Variants in NFYC observed in about 807,000 individuals in gnomAD.
NFYC encodes the protein nuclear transcription factor Y subunit gamma, also known as CAAT box DNA-binding protein subunit C.
NFYC carries 25 observed loss-of-function variants against 53.1 expected under a neutral mutation model. That is an observed-to-expected ratio of 0.47 (90% CI 0.34 to 0.66). NFYC has a LOEUF of 0.66. Among genes scored for constraint, NFYC ranks in the 30% least tolerant of loss-of-function variants. NFYC has a pLI of 0.01. For synonymous variants in NFYC, 145 were observed against 152.6 expected (o/e 0.95, Z 0.37); for missense variants, 260 against 422.7 (o/e 0.62, Z 3.38).
rs370959346 is a variant in NFYC at position 40,743,821 on chromosome 1, T to G, written c.106-3713T>G. ...ATCTTCTTAAAATATTGATGCTGAT[T>G]TAGTAGGTTAGGAACGGAACCTGGG... On this transcript the variant is annotated intron_variant, in intron 2 of 9. Coordinates refer to ENST00000447388, the MANE Select transcript of NFYC (RefSeq NM_014223.5). 7.9e-5 allele frequency among the ~76,000 whole-genome samples: 12 copies of G among 152,310 alleles called. 1 individual carries two copies. Among genetic ancestry groups the G allele is most frequent in the South Asian group, 2.1e-4 (1 of 4,830 alleles).
chr1:40,753,364 T>C, intron 5 of NFYC, 118 bp downstream of exon 5: 2 of 650,094 alleles, frequency 3.1e-6, no homozygotes, highest in Non-Finnish European at 5.4e-6. Context: ...TTCTCGTTTC[T>C]AGACCAGATT....
rs760633850 is a variant in NFYC, at chr1:40,739,000, C to T, written c.105+52C>T. On this transcript the variant is annotated intron_variant, in intron 2 of 9. Transcript: ENST00000447388. ...AGAAACTTTTAAAGAGTATAAAGAG[C>T]TCTGGGAAATTAACCAAAACTCAGA... The T allele has an allele frequency of 6.0e-6, 8 of 1,334,088 alleles. No homozygotes were observed. The African/African-American group carries it at 1.0e-4, about 17-fold the overall frequency. The allele number at this position is 1,334,088 out of a possible 1,614,324, so 82.6% of individuals were successfully genotyped here. A position where few individuals can be genotyped will look rare whatever the true frequency, so the allele number is the denominator to read the frequency against.
At chr1:40,769,832 T>G (rs1646999322) in intron 9 of NFYC, among the ~76,000 whole-genome samples, 2 of 152,216 alleles carry the variant, frequency 1.3e-5, no homozygotes, top group Admixed American at 1.3e-4. Context: ...ACGTGACCTC[T>G]TGAGCTCTCT....
intron 1 of NFYC, chr1:40,734,773 A>G (rs1448953665): frequency 2.6e-5 from 4 of 152,248 alleles, no homozygotes; most frequent in African/African-American, 9.6e-5. Context: ...CCAGGAATTT[A>G]CATTAACAAT....
intron 1 of NFYC, among the ~76,000 whole-genome samples, chr1:40,726,131 T>G (rs1202980713): frequency 3.9e-5 from 5 of 127,464 alleles, no homozygotes; most frequent in East Asian, 5.1e-4. Flanking sequence ...GTGTGTTTTT[T>G]TTTGAGATGG....
At position 40,766,791 on chromosome 1, in the gene NFYC, T is replaced by G. The variant is rs1185352959; in HGVS notation, c.828+88T>G. ...AAGGAGCGCTCAGCACACAGCTGTC[T>G]TGCCACCTCATCCTTCAACCAGAAG... On this transcript the variant is annotated intron_variant, in intron 8 of 9. Coordinates refer to ENST00000447388, the MANE Select transcript of NFYC (RefSeq NM_014223.5). 6.0e-6 allele frequency: 9 copies of G among 1,495,136 alleles called. No individual in the cohort carries two copies. The South Asian group carries it at 1.0e-4, about 17-fold the overall frequency. 92.6% of individuals were successfully genotyped at this position (1,495,136 alleles called of 1,614,324 possible).
intron 1 of NFYC, among the ~76,000 whole-genome samples, chr1:40,701,820 C>T (rs1271303287): frequency 6.6e-6 from 1 of 152,114 alleles, no homozygotes; most frequent in African/African-American, 2.4e-5. Context: ...TTCCTAAGCC[C>T]TAAAACCTTG....
chr1:40,759,780 G>A lies in NFYC; in HGVS notation c.561+1486G>A, dbSNP rs139369348. 2.5e-3 allele frequency among the ~76,000 whole-genome samples: 376 copies of A among 152,170 alleles called. 1 individual carries two copies. The highest frequency in any genetic ancestry group is 8.4e-3 in the African/African-American group (349 of 41,526). On this transcript the variant is annotated intron_variant, in intron 6 of 9. Transcript: ENST00000447388. Reference sequence around the variant, plus strand: ...ATTGCCAGTAGAGGGCACAGCACAGGCAAAGGCTCAGAGGTGAGAAACAGT... The same window carrying A: ...ATTGCCAGTAGAGGGCACAGCACAGACAAAGGCTCAGAGGTGAGAAACAGT...
chr1:40,766,465 T>C lies in NFYC; in HGVS notation c.721-131T>C, dbSNP rs1223890274. On this transcript the variant is annotated intron_variant, in intron 7 of 9. Transcript: ENST00000447388. ...GTTTTGACCTCTGTTTAAAAGGGAC[T>C]TTTTTCAGGGCAGGCTTCTTTGGAG... 6 of 668,848 alleles carry C rather than the reference T, an allele frequency of 9.0e-6. No individual in the cohort carries two copies. The East Asian group carries it at 1.4e-4, about 15-fold the overall frequency. The allele number at this position is 668,848 out of a possible 1,614,324, so 41.4% of individuals were successfully genotyped here. A position where few individuals can be genotyped will look rare whatever the true frequency, so the allele number is the denominator to read the frequency against.
intron 7 of NFYC, 52 bp from the exon 8 acceptor site, chr1:40,766,540 CTGTT>C (rs1646819418): frequency 6.0e-6 from 8 of 1,329,928 alleles, no homozygotes; most frequent in Non-Finnish European, 8.4e-6. Flanking sequence ...GAAAGTTTGC[CTGTT>C]TGAGATTATA....
intron 4 of NFYC, among the ~76,000 whole-genome samples, chr1:40,752,481 G>T (rs1645969667): frequency 6.6e-6 from 1 of 152,012 alleles, no homozygotes; most frequent in Admixed American, 6.6e-5. Flanking sequence ...ATTAGAGCAG[G>T]TCTTGGTTTC....
intron 1 of NFYC, among the ~76,000 whole-genome samples, chr1:40,697,551 C>T (rs1643216513): frequency 6.6e-6 from 1 of 152,212 alleles, no homozygotes; most frequent in Non-Finnish European, 1.5e-5. Context: ...AAAACTTCTT[C>T]ATATTTGACA....
intron 1 of NFYC, among the ~76,000 whole-genome samples, chr1:40,737,901 C>CTTTTTTTTTTTTTTTTTTTT (rs530348029): frequency 4.1e-5 from 5 of 123,162 alleles, no homozygotes; most frequent in African/African-American, 1.6e-4. Context: ...TGCTCTCTCT[C>CTTTTTTTTTTTTTTTTTTTT]TTTTTTTTTT....
chr1:40,763,912 G>A (rs375021901), intron 7 of NFYC, among the ~76,000 whole-genome samples: 3 of 152,308 alleles, frequency 2.0e-5, no homozygotes, highest in Non-Finnish European at 4.4e-5. Context: ...AGAGGGAGGC[G>A]TATAGGGAAG....
chr1:40,701,775 C>A (rs1461411248), intron 1 of NFYC, among the ~76,000 whole-genome samples: 1 of 152,108 alleles, frequency 6.6e-6, no homozygotes, highest in South Asian at 2.1e-4. Context: ...AATGGCTATG[C>A]TTATAATTTA....
rs1256436433 is a variant in NFYC, at chr1:40,753,323, C to G, written c.387+77C>G. On this transcript the variant is annotated intron_variant, in intron 5 of 9. Transcript: ENST00000447388. The stretch of plus-strand genomic sequence containing the variant: ...CTGGTGTCAGATACGCTCCTTCTCT[C>G]TCAGCACAAGTCATTTGCTATTCCT... 6 of 952,822 alleles carry G rather than the reference C, an allele frequency of 6.3e-6. No homozygotes were observed. In the Admixed American group the frequency reaches 9.3e-5, roughly 15 times the overall value. 59.0% of individuals were successfully genotyped at this position (952,822 alleles called of 1,614,324 possible).
intron 2 of NFYC, among the ~76,000 whole-genome samples, chr1:40,741,183 GT>G (rs754637534): frequency 6.6e-6 from 1 of 151,718 alleles, no homozygotes; most frequent in Admixed American, 6.6e-5. Flanking sequence ...TCAACTTAAT[GT>G]TTTTTTTCCA....
chr1:40,764,641 A>G (rs1188957591), intron 7 of NFYC, among the ~76,000 whole-genome samples: 4 of 152,250 alleles, frequency 2.6e-5, no homozygotes, highest in Non-Finnish European at 5.9e-5. Flanking sequence ...TCACTGGCTC[A>G]GGCACCTTCT....
chr1:40,692,622 C>A (rs750199216), intron 1 of NFYC, among the ~76,000 whole-genome samples: 2 of 152,076 alleles, frequency 1.3e-5, no homozygotes, highest in Non-Finnish European at 2.9e-5. Context: ...ACGGTAGAAT[C>A]GGATCAGGGA....
Sources: allele counts gnomAD v4.1 joint callset (sites outside exome capture counted in the v4.1 genomes callset), GRCh38; gene constraint gnomAD v4.1.1; transcripts MANE v1.5; gene names NCBI Gene and HGNC (gene_info 2026-07-23, HGNC 2026-07-21).